Variants in CATSPERB observed in about 807,000 individuals in gnomAD.
CATSPERB encodes the protein cation channel sperm-associated auxiliary subunit beta.
In CATSPERB, 93 loss-of-function variants were observed where a neutral mutation model predicts 128.3. The ratio of observed to expected loss-of-function variants is 0.72; its 90% confidence interval spans 0.61 to 0.86. CATSPERB has a LOEUF of 0.86. Ranked by LOEUF, CATSPERB falls within the 40% of genes least tolerant of loss-of-function variation. The pLI, the probability that CATSPERB is intolerant of heterozygous loss-of-function variation, is 0.00. For synonymous variants in CATSPERB, 381 were observed against 448.8 expected (o/e 0.85, Z 1.91); for missense variants, 1,153 against 1,329.5 (o/e 0.87, Z 2.06).
chr14:91,694,438 C>CAA (rs547649333), intron 7 of CATSPERB, among the ~76,000 whole-genome samples: 26 of 65,762 alleles, frequency 4.0e-4, no homozygotes, highest in African/African-American at 6.9e-4. Context: ...GACCCTATCT[C>CAA]AAAAAAAAAA....
chr14:91,589,011 C>T (rs766416219), intron 24 of CATSPERB, among the ~76,000 whole-genome samples: 28 of 152,298 alleles, frequency 1.8e-4, no homozygotes, highest in Non-Finnish European at 3.1e-4. Flanking sequence ...CATACGTGAA[C>T]ACAAAATGTG....
At chr14:91,696,807 A>T (rs1461369342) in intron 7 of CATSPERB, among the ~76,000 whole-genome samples, 2 of 152,226 alleles carry the variant, frequency 1.3e-5, no homozygotes, top group Non-Finnish European at 2.9e-5. Flanking sequence ...CCAGAACACA[A>T]GGGCTGAGGG....
At chr14:91,727,615 G>A (rs1896139225) in intron 2 of CATSPERB, among the ~76,000 whole-genome samples, 1 of 152,134 alleles carries the variant, frequency 6.6e-6, no homozygotes, top group South Asian at 2.1e-4. Flanking sequence ...ACTTGACAAT[G>A]CTATCAGACC....
chr14:91,680,481 A>G (rs78448751), intron 11 of CATSPERB, among the ~76,000 whole-genome samples: 4,716 of 152,348 alleles, frequency 0.031, 96 homozygotes, highest in Non-Finnish European at 0.046. Flanking sequence ...AAATATATAC[A>G]TAAGTCAATT....
intron 15 of CATSPERB, among the ~76,000 whole-genome samples, 178 bp downstream of exon 15, chr14:91,659,659 C>T (rs946563507): frequency 2.0e-5 from 3 of 152,138 alleles, no homozygotes; most frequent in African/African-American, 7.2e-5. Context: ...GCATGGTGAC[C>T]TAGTGTTGCC....
rs565149355 is a variant in CATSPERB at position 91,581,175 on chromosome 14, G to A, written c.3133-68C>T. Reference sequence around the variant, plus strand: ...CAATGCAAAACACTGAAAATTTAATGTTCCCCACAATTAATCGGAGAGCAA... The same window carrying A: ...CAATGCAAAACACTGAAAATTTAATATTCCCCACAATTAATCGGAGAGCAA... On this transcript the variant is annotated intron_variant, in intron 26 of 26. Coordinates refer to ENST00000256343, the MANE Select transcript of CATSPERB (RefSeq NM_024764.4). 66 of 1,277,234 alleles carry A rather than the reference G, an allele frequency of 5.2e-5. No individual in the cohort carries two copies. The Admixed American group carries it at 1.4e-3, about 27-fold the overall frequency. 79.1% of individuals were successfully genotyped at this position (1,277,234 alleles called of 1,614,324 possible).
intron 17 of CATSPERB, among the ~76,000 whole-genome samples, chr14:91,635,187 C>G (rs1373233136): frequency 1.3e-5 from 2 of 152,060 alleles, no homozygotes. Flanking sequence ...ACCTAGTCAC[C>G]TACCAAGGGC....
At chr14:91,630,922 T>C (rs530615925) in intron 17 of CATSPERB, among the ~76,000 whole-genome samples, 49 of 152,302 alleles carry the variant, frequency 3.2e-4, no homozygotes, top group Admixed American at 5.2e-4. Context: ...CACGACACCA[T>C]CACTGTGCAT....
intron 23 of CATSPERB, among the ~76,000 whole-genome samples, chr14:91,591,659 C>T (rs997706138): frequency 6.6e-6 from 1 of 151,820 alleles, no homozygotes; most frequent in African/African-American, 2.4e-5. Flanking sequence ...TATACAAATG[C>T]TGTGGAATGG....
chr14:91,584,196 G>A (rs557751637), intron 26 of CATSPERB, among the ~76,000 whole-genome samples: 1 of 152,214 alleles, frequency 6.6e-6, no homozygotes, highest in South Asian at 2.1e-4. Flanking sequence ...AGCCTCCTGA[G>A]TAACTAGGAT....
chr14:91,628,860 C>T (rs773314042), intron 17 of CATSPERB, among the ~76,000 whole-genome samples: 24 of 152,182 alleles, frequency 1.6e-4, no homozygotes, highest in Middle Eastern at 3.2e-3. Context: ...AAATCCAAAA[C>T]ACTGACAACC....
chr14:91,628,739 AC>A (rs1403195332), intron 17 of CATSPERB, among the ~76,000 whole-genome samples: 4 of 152,270 alleles, frequency 2.6e-5, no homozygotes, highest in Admixed American at 6.5e-5. Flanking sequence ...TTTATAAATT[AC>A]CCAGTTTCAG....
chr14:91,670,371 G>A (rs911559430), intron 13 of CATSPERB, among the ~76,000 whole-genome samples: 1 of 152,114 alleles, frequency 6.6e-6, no homozygotes, highest in Non-Finnish European at 1.5e-5. Context: ...TGACACCTCA[G>A]GCCAGGCGCA....
At chr14:91,690,667 G>A (rs1159833931) in intron 10 of CATSPERB, among the ~76,000 whole-genome samples, 1 of 152,222 alleles carries the variant, frequency 6.6e-6, no homozygotes, top group Non-Finnish European at 1.5e-5. Flanking sequence ...CTTGTCCTCT[G>A]ATTAGTATGA....
chr14:91,640,384 T>TCCCTTCC lies in CATSPERB; in HGVS notation c.1433-1135_1433-1134insGGAAGGG, dbSNP rs1555361592. Among the ~76,000 whole-genome samples, 79 of 70,914 alleles carry TCCCTTCC rather than the reference T, an allele frequency of 1.1e-3. 5 individuals are homozygous for TCCCTTCC. The highest frequency in any genetic ancestry group is 1.2e-3 in the Non-Finnish European group (44 of 37,332). 46.5% of individuals were successfully genotyped at this position (70,914 alleles called of 152,430 possible). On this transcript the variant is annotated intron_variant, in intron 15 of 26. Transcript: ENST00000256343. ...GCATTAGGTATATCTCCCAATGCTA[T>TCCCTTCC]CCCTCCCCCCTCCCCCCACCCCACC...
chr14:91,648,138 C>T (rs1279514676), intron 15 of CATSPERB, among the ~76,000 whole-genome samples: 1 of 152,128 alleles, frequency 6.6e-6, no homozygotes, highest in African/African-American at 2.4e-5. Context: ...TACTTGTGGC[C>T]ACTTTTCTAA....
chr14:91,638,438 C>T (rs1382106984), intron 16 of CATSPERB, among the ~76,000 whole-genome samples: 4 of 151,426 alleles, frequency 2.6e-5, no homozygotes, highest in Non-Finnish European at 5.9e-5. Flanking sequence ...GCTCTGTTGC[C>T]CAAACTGGAG....
chr14:91,608,217 T>A, intron 22 of CATSPERB, 77 bp downstream of exon 22: 1 of 888,608 alleles, frequency 1.1e-6, no homozygotes, highest in East Asian at 2.5e-5. Flanking sequence ...TTAACACTTA[T>A]AGCTATATAT....
intron 10 of CATSPERB, among the ~76,000 whole-genome samples, chr14:91,689,468 G>A (rs932596331): frequency 2.6e-5 from 4 of 152,200 alleles, no homozygotes; most frequent in African/African-American, 9.6e-5. Flanking sequence ...GCTAAAGGGA[G>A]TTAAAGGTCA....
Sources: allele counts gnomAD v4.1 joint callset (sites outside exome capture counted in the v4.1 genomes callset), GRCh38; gene constraint gnomAD v4.1.1; transcripts MANE v1.5; gene names NCBI Gene and HGNC (gene_info 2026-07-23, HGNC 2026-07-21).